Variants in NR6A1 observed in about 807,000 individuals in gnomAD.
NR6A1 encodes nuclear receptor subfamily 6 group A member 1.
A neutral mutation model predicts 59.1 loss-of-function variants in NR6A1; 7 were observed. That is an observed-to-expected ratio of 0.12 (90% CI 0.07 to 0.22). NR6A1 has a LOEUF of 0.22. Among genes scored for constraint, NR6A1 ranks in the 10% least tolerant of loss-of-function variants. The pLI is 1.00. For missense variants in NR6A1, 468 were observed against 611.6 expected (o/e 0.77, Z 2.48); for synonymous variants, 243 against 236.1 (o/e 1.03, Z -0.27).
At chr9:124,643,773 AAAG>A (rs1836842734) in intron 2 of NR6A1, among the ~76,000 whole-genome samples, 2 of 150,628 alleles carry the variant, frequency 1.3e-5, no homozygotes, top group African/African-American at 2.5e-5. Flanking sequence ...AAAAAAAAAA[AAAG>A]AGAGAGAGAG....
intron 8 of NR6A1, among the ~76,000 whole-genome samples, chr9:124,526,104 C>G (rs889414255): frequency 6.6e-6 from 1 of 152,162 alleles, no homozygotes; most frequent in African/African-American, 2.4e-5. Flanking sequence ...GGCAGCAGAA[C>G]AGCCCAGTGC....
chr9:124,729,830 G>C (rs943458820), intron 2 of NR6A1, among the ~76,000 whole-genome samples: 1 of 67,906 alleles, frequency 1.5e-5, no homozygotes, highest in Non-Finnish European at 3.0e-5. Flanking sequence ...TTTTTTTTTT[G>C]AGACGGAGTC....
At chr9:124,577,860 T>C (rs1475477041) in intron 2 of NR6A1, among the ~76,000 whole-genome samples, 1 of 152,254 alleles carries the variant, frequency 6.6e-6, no homozygotes, top group South Asian at 2.1e-4. Flanking sequence ...GCTCTCAGAA[T>C]TTCTATATAG....
chr9:124,570,086 G>C (rs1322281360), intron 2 of NR6A1, among the ~76,000 whole-genome samples: 1 of 152,230 alleles, frequency 6.6e-6, no homozygotes, highest in Middle Eastern at 3.2e-3. Flanking sequence ...GATAGCTACA[G>C]ATAAAATGTT....
intron 2 of NR6A1, among the ~76,000 whole-genome samples, chr9:124,659,194 A>G (rs1019331449): frequency 6.7e-6 from 1 of 149,644 alleles, no homozygotes; most frequent in Non-Finnish European, 1.5e-5. Context: ...TAAGCCAGAC[A>G]TGGACAAAGG....
At chr9:124,592,436 A>G (rs982258711) in intron 2 of NR6A1, among the ~76,000 whole-genome samples, 3 of 152,210 alleles carry the variant, frequency 2.0e-5, no homozygotes, top group Non-Finnish European at 4.4e-5. Flanking sequence ...GAATTACAAT[A>G]TATCAGAGGG....
chr9:124,719,017 C>T (rs546913237), intron 2 of NR6A1, among the ~76,000 whole-genome samples: 1 of 151,974 alleles, frequency 6.6e-6, no homozygotes, highest in South Asian at 2.1e-4. Flanking sequence ...CTAAAAGAAG[C>T]ATCTGTAAAC....
At chr9:124,700,309 C>A (rs1838900326) in intron 2 of NR6A1, among the ~76,000 whole-genome samples, 1 of 152,100 alleles carries the variant, frequency 6.6e-6, no homozygotes, top group Non-Finnish European at 1.5e-5. Flanking sequence ...ATTCTCCCAC[C>A]TCAGCCTCTA....
At chr9:124,645,957 A>G (rs1179928664) in intron 2 of NR6A1, among the ~76,000 whole-genome samples, 3 of 152,222 alleles carry the variant, frequency 2.0e-5, no homozygotes, top group Non-Finnish European at 4.4e-5. Context: ...AACTAGCATA[A>G]CAGAAAGATA....
At chr9:124,695,116 C>G (rs1249910213) in intron 2 of NR6A1, among the ~76,000 whole-genome samples, 1 of 152,222 alleles carries the variant, frequency 6.6e-6, no homozygotes, top group East Asian at 1.9e-4. Context: ...ATGTCATCCA[C>G]TTTTCAACTA....
chr9:124,525,677 ATCTCTCTCTC>A, intron 8 of NR6A1, among the ~76,000 whole-genome samples: 1 of 149,248 alleles, frequency 6.7e-6, no homozygotes, highest in Admixed American at 6.7e-5. Flanking sequence ...TTCTAAATAG[ATCTCTCTCTC>A]TCTCTCTCTC....
intron 2 of NR6A1, among the ~76,000 whole-genome samples, chr9:124,660,020 G>A (rs911039270): frequency 1.3e-5 from 2 of 152,216 alleles, no homozygotes; most frequent in Non-Finnish European, 2.9e-5. Flanking sequence ...GGGAAAAAAG[G>A]AGGATTTTTC....
At chr9:124,584,038 T>C (rs945329133) in intron 2 of NR6A1, among the ~76,000 whole-genome samples, 1 of 151,822 alleles carries the variant, frequency 6.6e-6, no homozygotes, top group African/African-American at 2.4e-5. Flanking sequence ...CAATCACTAG[T>C]GAACATCAGT....
At position 124,698,465 on chromosome 9, in the gene NR6A1, A is replaced by C. The variant is rs570092657; in HGVS notation, c.142+34843T>G. On this transcript the variant is annotated intron_variant, in intron 2 of 9. Coordinates refer to ENST00000487099, the MANE Select transcript of NR6A1 (RefSeq NM_033334.4). The stretch of plus-strand genomic sequence containing the variant: ...GATCCGTGGGAGGTGGTCACTTTGG[A>C]GGACAGATAAGTCATCCTCAGAGAA... The C allele has an allele frequency of 9.9e-5, 15 of 152,238 alleles. No homozygotes were observed. The East Asian group carries it at 2.7e-3, about 27-fold the overall frequency. 9.4% of individuals were successfully genotyped at this position (152,238 alleles called of 1,614,324 possible).
In NR6A1 at chr9:124,522,560, A is replaced by G. The variant is rs1482085911; in HGVS notation, c.*145T>C. 9.2e-6 allele frequency: 5 copies of G among 542,318 alleles called. No individual in the cohort carries two copies. In the Middle Eastern group the frequency reaches 1.6e-3, roughly 170 times the overall value. The allele number at this position is 542,318 out of a possible 1,614,324, so 33.6% of individuals were successfully genotyped here. ...AAAAATGAGGTTAAAAAAACAGACA[A>G]ACAAACAAAAACTCTTCTTGCTATG... On this transcript the variant is annotated 3_prime_UTR_variant, in exon 10 of 10. Coordinates refer to ENST00000487099, the MANE Select transcript of NR6A1 (RefSeq NM_033334.4).
chr9:124,538,238 T>C lies in NR6A1; in HGVS notation c.678A>G (p.Ile226Met), dbSNP rs1588647985. 1 of 1,614,064 alleles carries C rather than the reference T, an allele frequency of 6.2e-7. No homozygotes were observed. The highest frequency in any genetic ancestry group is 8.5e-7 in the Non-Finnish European group (1 of 1,180,016). The change falls in exon 6 of 10, where the codon ATA becomes ATG. Residue 226 changes from isoleucine (I) to methionine (M), a missense_variant. Physicochemically the swap from Ile to Met is conservative, Grantham distance 10. Coordinates refer to ENST00000487099, the MANE Select transcript of NR6A1 (RefSeq NM_033334.4). ...GGCCAGAATAGCTAAAAAGGTGCGG[T>C]ATATATTGGTAATGTGGAGGCACAG... ...GMSVPPHYQY[I>M]PHLFSYSGHS...
intron 2 of NR6A1, among the ~76,000 whole-genome samples, chr9:124,595,172 T>C (rs1251281967): frequency 6.6e-6 from 1 of 152,222 alleles, no homozygotes; most frequent in African/African-American, 2.4e-5. Context: ...TAGTGACTAT[T>C]CATTACATAC....
chr9:124,728,031 T>C (rs756386172), intron 2 of NR6A1, among the ~76,000 whole-genome samples: 105 of 148,208 alleles, frequency 7.1e-4, no homozygotes, highest in Non-Finnish European at 1.3e-3. Flanking sequence ...TTTGTATTTA[T>C]TTATTTTTTT....
intron 2 of NR6A1, among the ~76,000 whole-genome samples, chr9:124,706,127 C>T (rs1017721077): frequency 1.3e-5 from 2 of 152,112 alleles, no homozygotes; most frequent in Non-Finnish European, 2.9e-5. Context: ...AGTGGTTGCT[C>T]TAGGCCTCAC....
Sources: gnomAD v4.1 joint callset for allele counts (sites outside exome capture counted in the v4.1 genomes callset) on GRCh38, gnomAD v4.1.1 for gene constraint, MANE v1.5 for transcripts, NCBI Gene and HGNC (gene_info 2026-07-23, HGNC 2026-07-21) for gene names.